FOXP1: variants seen among roughly 807,000 people sequenced by gnomAD.
FOXP1 encodes the protein forkhead box P1.
A neutral mutation model predicts 98.2 loss-of-function variants in FOXP1; 15 were observed. The ratio of observed to expected loss-of-function variants is 0.15; its 90% confidence interval spans 0.10 to 0.24. The LOEUF (loss-of-function observed/expected upper bound fraction) is 0.24, where lower values mean the gene tolerates loss of function less well. Ranked by LOEUF, FOXP1 falls within the 10% of genes least tolerant of loss-of-function variation. The pLI is 1.00. For synonymous variants in FOXP1, 371 were observed against 314.5 expected (o/e 1.18, Z -1.90); for missense variants, 633 against 848.5 (o/e 0.75, Z 3.15).
chr3:71,179,854 C>G (rs1299387451), intron 6 of FOXP1, among the ~76,000 whole-genome samples: 2 of 152,180 alleles, frequency 1.3e-5, no homozygotes, highest in Non-Finnish European at 2.9e-5. Context: ...TTTTCTACAA[C>G]GAATGTGTCA....
At chr3:71,201,176 G>T (rs538214445) in intron 5 of FOXP1, among the ~76,000 whole-genome samples, 1 of 152,234 alleles carries the variant, frequency 6.6e-6, no homozygotes, top group South Asian at 2.1e-4. Context: ...ACAGAGTAAA[G>T]CGTCTATCAA....
At chr3:71,129,641 G>T (rs1350312158) in intron 6 of FOXP1, among the ~76,000 whole-genome samples, 7 of 152,108 alleles carry the variant, frequency 4.6e-5, no homozygotes, top group Non-Finnish European at 1.0e-4. Context: ...TGGGGGTCAG[G>T]GAAGGGGGGT....
intron 6 of FOXP1, among the ~76,000 whole-genome samples, chr3:71,128,211 C>T (rs770881448): frequency 3.3e-5 from 5 of 151,412 alleles, no homozygotes; most frequent in Non-Finnish European, 5.9e-5. Flanking sequence ...AATCATGTTC[C>T]GGTATTTAAA....
At chr3:71,006,697 T>C (rs1321018945) in intron 12 of FOXP1, among the ~76,000 whole-genome samples, 2 of 152,160 alleles carry the variant, frequency 1.3e-5, no homozygotes, top group African/African-American at 4.8e-5. Flanking sequence ...ATGAAATACC[T>C]AAGCTAACTA....
chr3:71,338,707 T>C (rs2076834511), intron 4 of FOXP1, among the ~76,000 whole-genome samples: 1 of 152,128 alleles, frequency 6.6e-6, no homozygotes, highest in African/African-American at 2.4e-5. Context: ...CATGAGACAC[T>C]ATGCCTGGCC....
At chr3:71,137,675 G>A (rs778411774) in intron 6 of FOXP1, among the ~76,000 whole-genome samples, 3 of 152,054 alleles carry the variant, frequency 2.0e-5, no homozygotes, top group African/African-American at 7.2e-5. Flanking sequence ...AAGGTATCTG[G>A]TCTTCTATCA....
At chr3:71,437,411 G>GCAAAA (rs746950766) in intron 3 of FOXP1, among the ~76,000 whole-genome samples, 31 of 152,082 alleles carry the variant, frequency 2.0e-4, no homozygotes, top group South Asian at 4.1e-4. Flanking sequence ...TGTCTCAAAA[G>GCAAAA]CAAAACAAAA....
chr3:71,404,971 T>C (rs1007782639), intron 3 of FOXP1, among the ~76,000 whole-genome samples: 1 of 152,198 alleles, frequency 6.6e-6, no homozygotes, highest in Admixed American at 6.5e-5. Flanking sequence ...GTGCAGAGAC[T>C]GAATCCGGTA....
chr3:71,152,094 G>A (rs931509833), intron 6 of FOXP1, among the ~76,000 whole-genome samples: 2 of 152,118 alleles, frequency 1.3e-5, no homozygotes, highest in South Asian at 4.1e-4. Flanking sequence ...CTAATTAGGT[G>A]AGCCCCTTCA....
At chr3:71,101,207 G>A (rs1396394166) in intron 7 of FOXP1, among the ~76,000 whole-genome samples, 1 of 152,156 alleles carries the variant, frequency 6.6e-6, no homozygotes, top group Non-Finnish European at 1.5e-5. Context: ...AAATGACTGT[G>A]ACTAATAAGA....
chr3:71,445,541 G>T (rs899283054), intron 3 of FOXP1, among the ~76,000 whole-genome samples: 2 of 151,980 alleles, frequency 1.3e-5, no homozygotes, highest in East Asian at 1.9e-4. Context: ...TATATAAAGG[G>T]CCTTTCTTTG....
intron 4 of FOXP1, among the ~76,000 whole-genome samples, chr3:71,328,701 A>G (rs1027455140): frequency 2.0e-5 from 3 of 152,090 alleles, no homozygotes; most frequent in African/African-American, 7.2e-5. Context: ...GGCTGGGCGC[A>G]GTGGCTCATG....
At chr3:71,209,156 A>G (rs2064273301) in intron 5 of FOXP1, among the ~76,000 whole-genome samples, 1 of 152,230 alleles carries the variant, frequency 6.6e-6, no homozygotes, top group Non-Finnish European at 1.5e-5. Context: ...TCACCCCAAA[A>G]TAAGACCAAG....
chr3:71,519,297 G>A (rs1197595226), intron 2 of FOXP1, among the ~76,000 whole-genome samples: 2 of 152,182 alleles, frequency 1.3e-5, no homozygotes, highest in African/African-American at 2.4e-5. Context: ...AGGCAATTGC[G>A]TGAGCTGCCT....
chr3:71,021,507 G>T lies in FOXP1; in HGVS notation c.870-5854C>A, dbSNP rs2045432610. Among the ~76,000 whole-genome samples, 4 of 152,292 alleles carry T rather than the reference G, an allele frequency of 2.6e-5. No individual in the cohort carries two copies. The East Asian group carries it at 7.7e-4, about 29-fold the overall frequency. ...GAGTAGTGCTGGTATGAAGGTGTATGTACATGTACTCTAAGTATCTGTTTT... is the reference window on the plus strand; with the variant it reads ...GAGTAGTGCTGGTATGAAGGTGTATTTACATGTACTCTAAGTATCTGTTTT... On this transcript the variant is annotated intron_variant, in intron 11 of 20. Transcript: ENST00000649528.
chr3:71,582,225 G>T, intron 1 of FOXP1: 1 of 985,056 alleles, frequency 1.0e-6, no homozygotes, highest in South Asian at 4.7e-5. Flanking sequence ...GGGGAGGGGG[G>T]CTCGTCGAGG....
chr3:71,460,639 G>A (rs564682329), intron 3 of FOXP1, among the ~76,000 whole-genome samples: 163 of 152,170 alleles, frequency 1.1e-3, no homozygotes, highest in Non-Finnish European at 2.1e-3. Context: ...GGGTTTTACC[G>A]TGTTGCCCAG....
At chr3:71,354,784 A>T (rs185874932) in intron 4 of FOXP1, among the ~76,000 whole-genome samples, 4 of 152,350 alleles carry the variant, frequency 2.6e-5, no homozygotes. Context: ...GACGTTGTGC[A>T]AAGTGCTTTA....
intron 5 of FOXP1, among the ~76,000 whole-genome samples, chr3:71,268,300 C>A (rs758861382): frequency 1.3e-5 from 2 of 151,470 alleles, no homozygotes; most frequent in Non-Finnish European, 2.9e-5. Context: ...ATGAAGGAGG[C>A]GGAAAATAAT....
Sources: allele counts gnomAD v4.1 joint callset (sites outside exome capture counted in the v4.1 genomes callset), GRCh38; gene constraint gnomAD v4.1.1; transcripts MANE v1.5; gene names NCBI Gene and HGNC (gene_info 2026-07-23, HGNC 2026-07-21).